Variants in COL23A1 observed in about 807,000 individuals in gnomAD.
The protein encoded by COL23A1 is collagen type XXIII alpha 1 chain, also known as collagen alpha-1(XXIII) chain.
COL23A1 carries 97 observed loss-of-function variants against 99.3 expected under a neutral mutation model. That is an observed-to-expected ratio of 0.98 (90% confidence interval 0.83 to 1.16). The LOEUF (loss-of-function observed/expected upper bound fraction) is 1.16, where lower values mean the gene tolerates loss of function less well. COL23A1 is among the 50% of genes most tolerant of loss of function. COL23A1 has a pLI of 0.00. For missense variants in COL23A1, 762 were observed against 757.4 expected, an observed-to-expected ratio of 1.01 and a Z score of -0.07; for synonymous variants, 320 against 308.2, an observed-to-expected ratio of 1.04 and a Z score of -0.40.
intron 2 of COL23A1, among the ~76,000 whole-genome samples, chr5:178,385,263 C>G (rs1763609446): frequency 6.6e-6 from 1 of 152,164 alleles, no homozygotes. Context: ...GCGGGGACCC[C>G]TCTGAGCTGC....
chr5:178,475,338 G>A (rs1178435913), intron 2 of COL23A1, among the ~76,000 whole-genome samples: 1 of 152,124 alleles, frequency 6.6e-6, no homozygotes, highest in Non-Finnish European at 1.5e-5. Context: ...GGCATGTCCA[G>A]GAGGGCCTCT....
intron 2 of COL23A1, among the ~76,000 whole-genome samples, chr5:178,364,045 G>A (rs1762320328): frequency 6.6e-6 from 1 of 152,184 alleles, no homozygotes; most frequent in Non-Finnish European, 1.5e-5. Flanking sequence ...GGCAATCCAG[G>A]ACTCAAGGCA....
chr5:178,379,641 G>A (rs1350891805), intron 2 of COL23A1, among the ~76,000 whole-genome samples: 1 of 152,148 alleles, frequency 6.6e-6, no homozygotes, highest in Non-Finnish European at 1.5e-5. Context: ...CAGGACTTTG[G>A]GAGGCCGAGG....
At chr5:178,288,252 T>C (rs1160164638) in intron 5 of COL23A1, 72 bp downstream of exon 5, 1 of 1,295,980 alleles carries the variant, frequency 7.7e-7, no homozygotes, top group Non-Finnish European at 1.1e-6. Flanking sequence ...CAGAGTTAAA[T>C]CAAGGCTCAG....
chr5:178,368,819 C>T (rs868192039), intron 2 of COL23A1, among the ~76,000 whole-genome samples: 1 of 152,260 alleles, frequency 6.6e-6, no homozygotes, highest in African/African-American at 2.4e-5. Flanking sequence ...TTTTATTGTT[C>T]CTGGGCTATA....
intron 2 of COL23A1, among the ~76,000 whole-genome samples, chr5:178,437,776 A>C (rs1766641270): frequency 6.6e-6 from 1 of 152,004 alleles, no homozygotes; most frequent in Non-Finnish European, 1.5e-5. Flanking sequence ...GCTCCTTCCC[A>C]ATGTTCATCA....
At chr5:178,283,717 A>C (rs1379350927) in intron 5 of COL23A1, among the ~76,000 whole-genome samples, 1 of 152,244 alleles carries the variant, frequency 6.6e-6, no homozygotes, top group African/African-American at 2.4e-5. Context: ...GATGATGAGA[A>C]AGTCTAATGT....
Position 178,309,141 on chromosome 5 carries a change from AG to A in COL23A1, c.362-2223del, listed in dbSNP as rs1330857334. 6.6e-6 allele frequency among the ~76,000 whole-genome samples: 1 copy of A among 152,210 alleles called. No individual in the cohort carries two copies. Among genetic ancestry groups the A allele is most frequent in the Non-Finnish European group, 1.5e-5 (1 of 68,022 alleles). On this transcript the variant is annotated intron_variant, in intron 2 of 28. Transcript: ENST00000390654. This position sits in a 1 kb window ranked among gnomAD's most constrained non-coding sequence, Gnocchi z 4.7. Reference sequence around the variant, plus strand: ...CTGATGGGAATCACTGGGTACGACTAGGAAGTTCTCCGTCTGGGTAACTGAA... The same window carrying A: ...CTGATGGGAATCACTGGGTACGACTAGAAGTTCTCCGTCTGGGTAACTGAA...
intron 1 of COL23A1, among the ~76,000 whole-genome samples, chr5:178,576,903 C>T (rs1007770024): frequency 6.6e-6 from 1 of 151,808 alleles, no homozygotes; most frequent in African/African-American, 2.4e-5. Flanking sequence ...AGGCGAGCAG[C>T]GCGGCGCTGG....
chr5:178,453,994 A>G (rs1439775830), intron 2 of COL23A1, among the ~76,000 whole-genome samples: 1 of 152,204 alleles, frequency 6.6e-6, no homozygotes, highest in African/African-American at 2.4e-5. Context: ...TTTTATAGAA[A>G]AAGTTTAAAT....
At chr5:178,569,607 G>A (rs1326042004) in intron 1 of COL23A1, among the ~76,000 whole-genome samples, 2 of 152,218 alleles carry the variant, frequency 1.3e-5, no homozygotes, top group Admixed American at 1.3e-4. Flanking sequence ...CTATATCACA[G>A]TTTGTGTGGT....
chr5:178,421,458 C>T (rs1765629164), intron 2 of COL23A1, among the ~76,000 whole-genome samples: 1 of 152,066 alleles, frequency 6.6e-6, no homozygotes, highest in Non-Finnish European at 1.5e-5. Flanking sequence ...AGTCTCAGCA[C>T]AAGATAAGCA....
chr5:178,410,664 A>C (rs1765012483), intron 2 of COL23A1, among the ~76,000 whole-genome samples: 1 of 152,246 alleles, frequency 6.6e-6, no homozygotes, highest in Non-Finnish European at 1.5e-5. Flanking sequence ...TAACTACAAA[A>C]TTCTTAGAAG....
At chr5:178,374,625 T>C (rs574117042) in intron 2 of COL23A1, among the ~76,000 whole-genome samples, 1 of 152,200 alleles carries the variant, frequency 6.6e-6, no homozygotes, top group Admixed American at 6.5e-5. Flanking sequence ...TGAGTGAAGG[T>C]GTTGTCAGTG....
At chr5:178,479,464 C>G (rs1178202899) in intron 2 of COL23A1, among the ~76,000 whole-genome samples, 1 of 152,196 alleles carries the variant, frequency 6.6e-6, no homozygotes, top group Non-Finnish European at 1.5e-5. Context: ...CCACAGCGGC[C>G]GGTGAGGCTG....
chr5:178,407,739 A>C (rs1764838500), intron 2 of COL23A1, among the ~76,000 whole-genome samples: 1 of 152,234 alleles, frequency 6.6e-6, no homozygotes, highest in Non-Finnish European at 1.5e-5. Flanking sequence ...CAGTGGAATC[A>C]GTGAGCTTGA....
At chr5:178,344,944 A>G (rs1366494761) in intron 2 of COL23A1, 2 of 643,560 alleles carry the variant, frequency 3.1e-6, no homozygotes, top group South Asian at 1.4e-5. Flanking sequence ...GAAAAGAGAA[A>G]GTGCCAGTGG....
At chr5:178,375,151 G>T (rs1763004947) in intron 2 of COL23A1, among the ~76,000 whole-genome samples, 2 of 152,170 alleles carry the variant, frequency 1.3e-5, no homozygotes, top group African/African-American at 4.8e-5. Flanking sequence ...ATGATGGGAA[G>T]TGACATGAAC....
Position 178,290,745 on chromosome 5 carries a change from GGA to G in COL23A1, c.407-378_407-377del, listed in dbSNP as rs554270765. Among the ~76,000 whole-genome samples, 391 of 152,322 alleles carry G rather than the reference GGA, an allele frequency of 2.6e-3. 2 individuals carry two copies. Among genetic ancestry groups the G allele is most frequent in the Non-Finnish European group, 3.3e-3 (222 of 68,032 alleles). The stretch of plus-strand genomic sequence containing the variant: ...TTATTTCTATTGAGGGCAGACTGGG[GGA>G]GCAAACATTTTGGACAGAGAGAATA... On this transcript the variant is annotated intron_variant, in intron 3 of 28. Transcript: ENST00000390654.
Sources: allele counts gnomAD v4.1 joint callset (sites outside exome capture counted in the v4.1 genomes callset), GRCh38; gene constraint gnomAD v4.1.1; non-coding constraint Gnocchi (gnomAD v3.1); transcripts MANE v1.5; gene names NCBI Gene and HGNC (gene_info 2026-07-23, HGNC 2026-07-21).